Variants in POLD1 observed in about 807,000 individuals in gnomAD.
POLD1 encodes DNA polymerase delta 1, catalytic subunit, also known as DNA polymerase delta catalytic subunit.
In POLD1, 79 loss-of-function variants were observed where a neutral mutation model predicts 129.7. The observed-to-expected ratio is 0.61, with a 90% CI of 0.51 to 0.73. POLD1 has a LOEUF of 0.73. Among genes scored for constraint, POLD1 ranks in the 30% least tolerant of loss-of-function variants. The pLI is 0.00. For missense variants in POLD1, 1,338 were observed against 1,595.8 expected (o/e 0.84, Z 2.75); for synonymous variants, 714 against 683.3 (o/e 1.04, Z -0.70).
chr19:50,393,005 G>A (rs1214297595), intron 1 of POLD1, among the ~76,000 whole-genome samples: 2 of 152,240 alleles, frequency 1.3e-5, no homozygotes, highest in African/African-American at 4.8e-5. Context: ...CCCTGGGGGA[G>A]GACAGTTAGG....
chr19:50,413,627 A>C, intron 18 of POLD1, 106 bp downstream of exon 18: 1 of 1,529,484 alleles, frequency 6.5e-7, no homozygotes, highest in Non-Finnish European at 8.9e-7. Flanking sequence ...CACCCTGCCC[A>C]CTCTCCTGTT....
intron 2 of POLD1, 112 bp from the exon 3 acceptor site, chr19:50,399,259 C>G: frequency 8.7e-7 from 1 of 1,146,258 alleles, no homozygotes; most frequent in Non-Finnish European, 1.3e-6. Context: ...TTCCAAGTTT[C>G]CTGCCTGACC....
Position 50,416,402 on chromosome 19 carries a change from C to T in POLD1, c.2827C>T (p.Leu943=), listed in dbSNP as rs1487584298. ...GACTGCCATGTGGCCGCAGGACCCG[C>T]TGTTCGTGCTGGAGCACAGCCTGCC... The part of the protein sequence containing the change: ...VAAYMKSEDP[L]FVLEHSLPID... The change falls in exon 23 of 27, where the codon CTG becomes TTG. Residue 943 remains leucine (L), a synonymous_variant. Transcript: ENST00000440232. 3 of 1,549,002 alleles carry T rather than the reference C, an allele frequency of 1.9e-6. No individual in the cohort carries two copies. In the African/African-American group the frequency reaches 4.1e-5, roughly 21 times the overall value.
At chr19:50,410,764 G>A (rs1406060014) in intron 17 of POLD1, among the ~76,000 whole-genome samples, 1 of 151,918 alleles carries the variant, frequency 6.6e-6, no homozygotes, top group South Asian at 2.1e-4. Flanking sequence ...CAAGCTTTGG[G>A]GTCCAGGGTT....
chr19:50,385,303 A>C (rs2123692921), intron 1 of POLD1, among the ~76,000 whole-genome samples: 1 of 152,248 alleles, frequency 6.6e-6, no homozygotes, highest in East Asian at 1.9e-4. Flanking sequence ...GACTGGGCGT[A>C]GGAGCAAGGG....
chr19:50,389,436 C>A (rs1389886477), intron 1 of POLD1, among the ~76,000 whole-genome samples: 2 of 151,936 alleles, frequency 1.3e-5, no homozygotes, highest in Non-Finnish European at 2.9e-5. Flanking sequence ...GCAGTCAGCT[C>A]TTAAGAACAG....
At chr19:50,396,072 T>C (rs1232285161) in intron 1 of POLD1, among the ~76,000 whole-genome samples, 3 of 145,468 alleles carry the variant, frequency 2.1e-5, no homozygotes, top group Non-Finnish European at 3.0e-5. Flanking sequence ...TAATTGTTGT[T>C]GTTGGTGGTG....
In POLD1 at chr19:50,415,840, G is replaced by A; in HGVS notation, c.2820+14G>A. The A allele has an allele frequency of 6.8e-7, 1 of 1,461,376 alleles. No individual in the cohort carries two copies. Among genetic ancestry groups the A allele is most frequent in the Non-Finnish European group, 9.1e-7 (1 of 1,095,736 alleles). 90.5% of individuals were successfully genotyped at this position (1,461,376 alleles called of 1,614,324 possible). A position where few individuals can be genotyped will look rare whatever the true frequency, so the allele number is the denominator to read the frequency against. ...ATGAAGTCGGAGGTCAGGCCCACCT[G>A]GCTGCCTGCTCCCGCCCAGCCCCCT... On this transcript the variant is annotated intron_variant, in intron 22 of 26. Coordinates refer to ENST00000440232, the MANE Select transcript of POLD1 (RefSeq NM_002691.4).
chr19:50,390,208 C>A (rs6509475), intron 1 of POLD1, among the ~76,000 whole-genome samples: 7,881 of 151,448 alleles, frequency 0.052, 702 homozygotes, highest in African/African-American at 0.18. Flanking sequence ...TGCGCCTGGC[C>A]AATAATTTCT....
chr19:50,414,149 G>C (rs1239526655), intron 19 of POLD1, among the ~76,000 whole-genome samples: 1 of 152,224 alleles, frequency 6.6e-6, no homozygotes, highest in Non-Finnish European at 1.5e-5. Flanking sequence ...GTCAGATGTG[G>C]AGCTGCCCTC....
intron 1 of POLD1, among the ~76,000 whole-genome samples, chr19:50,398,108 C>T (rs1376889822): frequency 6.6e-6 from 1 of 151,986 alleles, no homozygotes; most frequent in African/African-American, 2.4e-5. Flanking sequence ...CGCTGACCAC[C>T]GGGGAGCCTG....
chr19:50,404,132 GC>G (rs1254019532), intron 10 of POLD1, among the ~76,000 whole-genome samples: 2 of 152,216 alleles, frequency 1.3e-5, no homozygotes, highest in Non-Finnish European at 1.5e-5. Flanking sequence ...GTGTCAGCGG[GC>G]CTGCTTCCTT....
chr19:50,407,585 GTC>G (rs1292480603), intron 14 of POLD1, among the ~76,000 whole-genome samples, 170 bp downstream of exon 14: 1 of 151,496 alleles, frequency 6.6e-6, no homozygotes, highest in Non-Finnish European at 1.5e-5. Flanking sequence ...TTGAGACAGA[GTC>G]TCGCTCTGTC....
Position 50,415,769 on chromosome 19 carries a change from C to A in POLD1, c.2763C>A (p.Arg921=), listed in dbSNP as rs139299266. 6.4e-7 allele frequency: 1 copy of A among 1,571,068 alleles called. No homozygotes were observed. Reference sequence around the variant, plus strand: ...GGAGTGCGCCCAGCCTGGGCGACCGCGTCCCCTACGTGATCATCAGTGCCG... The same window carrying A: ...GGAGTGCGCCCAGCCTGGGCGACCGAGTCCCCTACGTGATCATCAGTGCCG... ...DPGSAPSLGD[R]VPYVIISAAK... Residue 921 remains arginine (R), a synonymous_variant, in exon 22 of 27, where the codon CGC becomes CGA. Coordinates refer to ENST00000440232, the MANE Select transcript of POLD1 (RefSeq NM_002691.4).
Position 50,398,907 on chromosome 19 carries a change from G to C in POLD1, c.56G>C (p.Arg19Pro), listed in dbSNP as rs3218773. ...CCCGGGGTGCCCCCAAAGCGGGCCC[G>C]TGGGGGCCTCTGGGATGATGATGAT... ...PGPGVPPKRA[R>P]GGLWDDDDAP... is the part of the protein sequence containing the mutation. Residue 19 changes from arginine to proline, a missense_variant, in exon 2 of 27, where the codon CGT becomes CCT. This residue lies in a region of POLD1 where 332 missense variants were observed against 315.7 expected (regional missense o/e 1.05). Transcript: ENST00000440232. 1 of 1,600,528 alleles carries C rather than the reference G, an allele frequency of 6.2e-7. No homozygotes were observed. The highest frequency in any genetic ancestry group is 8.5e-7 in the Non-Finnish European group (1 of 1,175,006).
At chr19:50,399,921 T>A (rs941805494) in intron 3 of POLD1, among the ~76,000 whole-genome samples, 3 of 150,834 alleles carry the variant, frequency 2.0e-5, no homozygotes, top group Non-Finnish European at 3.0e-5. Context: ...TTCAAGTGAT[T>A]CTCCTGCCTC....
chr19:50,401,391 A>ATATTTTT (rs1334231607), intron 3 of POLD1, among the ~76,000 whole-genome samples: 14 of 65,950 alleles, frequency 2.1e-4, no homozygotes, highest in Admixed American at 7.2e-4. Context: ...ATATATATAT[A>ATATTTTT]TTTTTTTTTT....
Position 50,400,447 on chromosome 19 carries a change from C to G in POLD1, c.316+963C>G, listed in dbSNP as rs367651334. ...TGTTGGCCAGGCTGGTTTCAAACTC[C>G]TAACCTCAGGTGATCTGCCGACCTT... On this transcript the variant is annotated intron_variant, in intron 3 of 26. Coordinates refer to ENST00000440232, the MANE Select transcript of POLD1 (RefSeq NM_002691.4). 4.6e-5 allele frequency among the ~76,000 whole-genome samples: 7 copies of G among 150,762 alleles called. No individual in the cohort carries two copies. In the South Asian group the frequency reaches 8.4e-4, roughly 18 times the overall value.
intron 14 of POLD1, 82 bp from the exon 15 acceptor site, chr19:50,408,702 TA>T (rs1205692494): frequency 1.9e-5 from 30 of 1,542,868 alleles, no homozygotes; most frequent in Admixed American, 1.2e-4. Flanking sequence ...TTTTTTTTTT[TA>T]AAGGGTGAGG....
Sources: gnomAD v4.1 joint callset for allele counts (sites outside exome capture counted in the v4.1 genomes callset) on GRCh38, gnomAD v4.1.1 for gene constraint, gnomAD v4.1.1 regional missense constraint, MANE v1.5 for transcripts, NCBI Gene and HGNC (gene_info 2026-07-23, HGNC 2026-07-21) for gene names.